STK11: variants seen among roughly 807,000 people sequenced by gnomAD.
STK11 encodes the protein serine/threonine kinase 11, also known as serine/threonine-protein kinase STK11.
A neutral mutation model predicts 47.3 loss-of-function variants in STK11; 8 were observed. The ratio of observed to expected loss-of-function variants is 0.17; its 90% CI spans 0.10 to 0.31. The LOEUF (loss-of-function observed/expected upper bound fraction) is 0.31. Ranked by LOEUF, STK11 falls within the 10% of genes least tolerant of loss-of-function variation. STK11 has a pLI of 1.00. For missense variants in STK11, 475 were observed against 605.0 expected, an observed-to-expected ratio of 0.79 and a Z score of 2.25; for synonymous variants, 330 against 255.8, an observed-to-expected ratio of 1.29 and a Z score of -2.77.
At chr19:1,225,957 C>T (rs1406374532) in intron 8 of STK11, 1 of 991,936 alleles carries the variant, frequency 1.0e-6, no homozygotes, top group Non-Finnish European at 1.2e-6. Context: ...GCTGGGGGCC[C>T]TGGCAGGCTG....
chr19:1,214,197 A>T (rs1321512922), intron 1 of STK11, among the ~76,000 whole-genome samples: 1 of 152,150 alleles, frequency 6.6e-6, no homozygotes, highest in Non-Finnish European at 1.5e-5. Flanking sequence ...GAGACGTCAG[A>T]GGAAGCCTGG....
chr19:1,209,080 G>T (rs2080691418), intron 1 of STK11, among the ~76,000 whole-genome samples: 1 of 152,160 alleles, frequency 6.6e-6, no homozygotes, highest in East Asian at 1.9e-4. Context: ...GCCCAGTCTG[G>T]ACCCGGGTAG....
intron 1 of STK11, among the ~76,000 whole-genome samples, chr19:1,211,850 A>C (rs1030952558): frequency 3.9e-5 from 6 of 152,190 alleles, no homozygotes; most frequent in Non-Finnish European, 2.9e-5. Context: ...CCTATGGTAA[A>C]GAGGATTTTC....
chr19:1,223,348 A>G (rs932973353), intron 8 of STK11, among the ~76,000 whole-genome samples, 176 bp downstream of exon 8: 6 of 152,332 alleles, frequency 3.9e-5, no homozygotes, highest in East Asian at 1.9e-4. Flanking sequence ...CCGCTGGGAC[A>G]TGGCTGAAAG....
At chr19:1,218,354 A>G (rs2145420243) in intron 1 of STK11, 63 bp from the exon 2 acceptor site, 2 of 1,390,212 alleles carry the variant, frequency 1.4e-6, no homozygotes, top group Non-Finnish European at 2.0e-6. Context: ...GGCCGACTCC[A>G]GGGATCCAGG....
Position 1,206,847 on chromosome 19 carries a change from C to G in STK11, c.-67C>G, listed in dbSNP as rs923884925. ...AAATTTTGGAGAAGGGAAGTCGGAA[C>G]ACAAGGAAGGACCGCTCACCCGCGG... On this transcript the variant is annotated 5_prime_UTR_variant, in exon 1 of 10. Coordinates refer to ENST00000326873, the MANE Select transcript of STK11 (RefSeq NM_000455.5). The G allele has an allele frequency of 2.0e-6, 3 of 1,476,700 alleles. No individual in the cohort carries two copies. In the African/African-American group the frequency reaches 4.3e-5, roughly 21 times the overall value. The allele number at this position is 1,476,700 out of a possible 1,614,324, so 91.5% of individuals were successfully genotyped here.
intron 1 of STK11, among the ~76,000 whole-genome samples, chr19:1,214,617 C>T (rs1447267177): frequency 6.6e-6 from 1 of 152,192 alleles, no homozygotes; most frequent in African/African-American, 2.4e-5. Flanking sequence ...GCTTTTAGGG[C>T]CGTGCAGCCT....
At position 1,206,610 on chromosome 19, in the gene STK11, G is replaced by C. The variant is rs1389652995; in HGVS notation, c.-304G>C. Reference sequence around the variant, plus strand: ...CCCGAGGACGAAGTTGACCCTGACCGGGCCGTCTCCCAGTTCTGAGGCCCG... The same window carrying C: ...CCCGAGGACGAAGTTGACCCTGACCCGGCCGTCTCCCAGTTCTGAGGCCCG... On this transcript the variant is annotated 5_prime_UTR_variant, in exon 1 of 10. Transcript: ENST00000326873. 1 of 469,036 alleles carries C rather than the reference G, an allele frequency of 2.1e-6. No homozygotes were observed. The highest frequency in any genetic ancestry group is 3.6e-5 in the East Asian group (1 of 27,942). 29.1% of individuals were successfully genotyped at this position (469,036 alleles called of 1,614,324 possible).
intron 7 of STK11, among the ~76,000 whole-genome samples, chr19:1,222,780 G>C: frequency 6.6e-6 from 1 of 152,298 alleles, no homozygotes; most frequent in Admixed American, 6.5e-5. Context: ...AGGGTGGAGG[G>C]GACATCTGTC....
At chr19:1,225,197 C>T in intron 8 of STK11, 1 of 985,406 alleles carries the variant, frequency 1.0e-6, no homozygotes. Context: ...TCCACAGGGT[C>T]TGCCCCACCA....
chr19:1,221,506 T>C, intron 6 of STK11, 166 bp downstream of exon 6: 1 of 1,061,746 alleles, frequency 9.4e-7, no homozygotes, highest in Non-Finnish European at 1.3e-6. Flanking sequence ...GTTTGCCAGG[T>C]CCCTCAGCTC....
chr19:1,227,558 A>G (rs1470043149), intron 9 of STK11, 35 bp from the exon 10 acceptor site: 2 of 1,062,742 alleles, frequency 1.9e-6, no homozygotes, highest in East Asian at 5.0e-5. Flanking sequence ...ACCGGTGCCC[A>G]GGCTGACCTC....
rs2080665901 is a variant in STK11, at chr19:1,206,479, C to T, written c.-435C>T. On this transcript the variant is annotated 5_prime_UTR_variant, in exon 1 of 10. Coordinates refer to ENST00000326873, the MANE Select transcript of STK11 (RefSeq NM_000455.5). ...TCGCGGACCCGGCCTGTGGGATGGG[C>T]GGCCCGGAGAAGACTGCGCTCGGCC... 4.1e-6 allele frequency: 1 copy of T among 245,768 alleles called. No individual in the cohort carries two copies. The highest frequency in any genetic ancestry group is 5.9e-5 in the East Asian group (1 of 17,094). The allele number at this position is 245,768 out of a possible 1,614,324, so 15.2% of individuals were successfully genotyped here.
At chr19:1,214,568 G>T (rs765792516) in intron 1 of STK11, among the ~76,000 whole-genome samples, 1 of 152,116 alleles carries the variant, frequency 6.6e-6, no homozygotes, top group Non-Finnish European at 1.5e-5. Context: ...GGTGGCCGGC[G>T]CAGGGAGGTT....
At position 1,220,178 on chromosome 19, in the gene STK11, C is replaced by T. The variant is rs73918390; in HGVS notation, c.465-195C>T. 4,112 of 648,556 alleles carry T rather than the reference C, an allele frequency of 6.3e-3. 119 individuals are homozygous for T. In the African/African-American group the frequency reaches 0.066, roughly 10 times the overall value. 40.2% of individuals were successfully genotyped at this position (648,556 alleles called of 1,614,324 possible). A position where few individuals can be genotyped will look rare whatever the true frequency, so the allele number is the denominator to read the frequency against. ...GGGGCCCTGCCAGACGTGGCTCGGC[C>T]GGACGAGGGTGGCCACTGCAGGCGC... On this transcript the variant is annotated intron_variant, in intron 3 of 9. Coordinates refer to ENST00000326873, the MANE Select transcript of STK11 (RefSeq NM_000455.5).
At chr19:1,220,123 C>T in intron 3 of STK11, 1 of 475,720 alleles carries the variant, frequency 2.1e-6, no homozygotes, top group South Asian at 3.3e-5. Context: ...CGGCCTGTGG[C>T]CCACAGGAAA....
At chr19:1,222,053 G>A in intron 7 of STK11, 47 bp downstream of exon 7, 2 of 1,547,100 alleles carry the variant, frequency 1.3e-6, no homozygotes, top group Non-Finnish European at 8.7e-7. Context: ...AGGGAGGCCG[G>A]CCATGTGGGC....
intron 1 of STK11, among the ~76,000 whole-genome samples, chr19:1,217,249 T>A (rs887375043): frequency 2.6e-5 from 4 of 152,198 alleles, no homozygotes; most frequent in Admixed American, 1.3e-4. Context: ...GGTCTTATTC[T>A]GTTGTCCAGG....
At chr19:1,224,481 C>T (rs2145433279) in intron 8 of STK11, 2 of 985,466 alleles carry the variant, frequency 2.0e-6, no homozygotes, top group Non-Finnish European at 1.2e-6. Context: ...GCCCTGGTGC[C>T]CTGAGACGGG....
Sources: gnomAD v4.1 joint callset for allele counts (sites outside exome capture counted in the v4.1 genomes callset) on GRCh38, gnomAD v4.1.1 for gene constraint, MANE v1.5 for transcripts, NCBI Gene and HGNC (gene_info 2026-07-23, HGNC 2026-07-21) for gene names.